Variants in LRRK1 observed in about 807,000 individuals in gnomAD.
LRRK1 encodes the protein leucine-rich repeat serine/threonine-protein kinase 1.
In LRRK1, 113 loss-of-function variants were observed where a neutral mutation model predicts 209.1. The observed-to-expected ratio is 0.54, with a 90% CI of 0.46 to 0.63. The LOEUF is 0.63. Among genes scored for constraint, LRRK1 ranks in the 30% least tolerant of loss-of-function variants. The pLI, the probability that LRRK1 is intolerant of heterozygous loss-of-function variation, is 0.00. For missense variants in LRRK1, 2,284 were observed against 2,632.2 expected, an observed-to-expected ratio of 0.87 and a Z score of 2.89; for synonymous variants, 1,144 against 1,099.7, an observed-to-expected ratio of 1.04 and a Z score of -0.80.
At position 101,045,110 on chromosome 15, in the gene LRRK1, G is replaced by A. The variant is rs189294143; in HGVS notation, c.2964-871G>A. 3.6e-3 allele frequency among the ~76,000 whole-genome samples: 546 copies of A among 152,342 alleles called. 3 individuals carry two copies. Among genetic ancestry groups the A allele is most frequent in the African/African-American group, 9.9e-3 (410 of 41,568 alleles). On this transcript the variant is annotated intron_variant, in intron 20 of 33. Coordinates refer to ENST00000388948, the MANE Select transcript of LRRK1 (RefSeq NM_024652.6). Reference sequence around the variant, plus strand: ...GTGTCAGAGCGTGTAAGTGAGAGCCGAGACTTGCGCCTGTATGCTCGGGCC... The same window carrying A: ...GTGTCAGAGCGTGTAAGTGAGAGCCAAGACTTGCGCCTGTATGCTCGGGCC...
chr15:101,047,059 A>C (rs11636119), intron 21 of LRRK1, among the ~76,000 whole-genome samples: 115,930 of 152,174 alleles, frequency 0.76, 45,882 homozygotes, highest in East Asian at 0.96. Flanking sequence ...ACAACCCTCC[A>C]GGGGATTCTG....
At chr15:101,017,545 C>T (rs2033598775) in intron 12 of LRRK1, among the ~76,000 whole-genome samples, 1 of 152,162 alleles carries the variant, frequency 6.6e-6, no homozygotes, top group African/African-American at 2.4e-5. Context: ...TCAGCGCCAC[C>T]TCCTGTCAGA....
At chr15:101,000,001 A>T (rs1567223750) in intron 6 of LRRK1, among the ~76,000 whole-genome samples, 1 of 152,224 alleles carries the variant, frequency 6.6e-6, no homozygotes, top group Non-Finnish European at 1.5e-5. Flanking sequence ...TTGGCAGCCA[A>T]CCACTAATTC....
intron 2 of LRRK1, among the ~76,000 whole-genome samples, chr15:100,934,085 G>T (rs1005330548): frequency 6.6e-6 from 1 of 151,890 alleles, no homozygotes; most frequent in Non-Finnish European, 1.5e-5. Context: ...ATTTATTTAA[G>T]ATGTCAAAAT....
chr15:100,931,219 C>T (rs955751742), intron 2 of LRRK1, among the ~76,000 whole-genome samples: 2 of 152,200 alleles, frequency 1.3e-5, no homozygotes, highest in Non-Finnish European at 2.9e-5. Flanking sequence ...ATTGCAGTTC[C>T]TTTTGCTAAT....
intron 2 of LRRK1, among the ~76,000 whole-genome samples, chr15:100,938,961 C>CA (rs2042353255): frequency 7.1e-6 from 1 of 140,462 alleles, no homozygotes; most frequent in Non-Finnish European, 1.6e-5. Flanking sequence ...GGCATGGTGG[C>CA]GGGCACCTGT....
intron 3 of LRRK1, among the ~76,000 whole-genome samples, chr15:100,976,446 G>A (rs953258437): frequency 2.6e-5 from 4 of 152,226 alleles, no homozygotes; most frequent in Non-Finnish European, 5.9e-5. Context: ...CTTCGTTAAT[G>A]CGTATAGAAA....
At chr15:100,947,960 T>A (rs187343665) in intron 2 of LRRK1, among the ~76,000 whole-genome samples, 24 of 152,336 alleles carry the variant, frequency 1.6e-4, no homozygotes, top group Admixed American at 6.5e-4. Flanking sequence ...CAGCCTGGAA[T>A]CTTAAAATCA....
chr15:100,974,748 G>T (rs987434552), intron 3 of LRRK1, among the ~76,000 whole-genome samples: 18 of 152,142 alleles, frequency 1.2e-4, no homozygotes, highest in African/African-American at 4.3e-4. Flanking sequence ...TTGAGAATGT[G>T]GATATGAGGA....
At position 100,973,937 on chromosome 15, in the gene LRRK1, C is replaced by T. The variant is rs901737361; in HGVS notation, c.231C>T (p.Ala77=). The change falls in exon 3 of 34, where the codon GCC becomes GCT. Residue 77 remains alanine, a synonymous_variant. Coordinates refer to ENST00000388948, the MANE Select transcript of LRRK1 (RefSeq NM_024652.6). ...GCGCCCGGGACCTGCTGGAGGAGGC[C>T]TGCGACCAGTGCGCGTCCCAGCTGG... The part of the protein sequence containing the change: ...RGGARDLLEE[A]CDQCASQLEK... 2 of 1,260,208 alleles carry T rather than the reference C, an allele frequency of 1.6e-6. No individual in the cohort carries two copies. The highest frequency in any genetic ancestry group is 3.1e-5 in the African/African-American group (2 of 64,534). The allele number at this position is 1,260,208 out of a possible 1,614,324, so 78.1% of individuals were successfully genotyped here.
rs146597088 is a variant in LRRK1, at chr15:100,933,343, C to G, written c.97+8614C>G. Among the ~76,000 whole-genome samples, 243 of 152,288 alleles carry G rather than the reference C, an allele frequency of 1.6e-3. 2 individuals carry two copies. Among genetic ancestry groups the G allele is most frequent in the African/African-American group, 5.7e-3 (235 of 41,558 alleles). On this transcript the variant is annotated intron_variant, in intron 2 of 33. Transcript: ENST00000388948. ...CCTCTTCCATTCCTGCTGCTTGGCA[C>G]TGGGTGGGCCAAGCATGTATCCCTT...
intron 3 of LRRK1, among the ~76,000 whole-genome samples, chr15:100,979,551 A>G (rs2031485588): frequency 6.6e-6 from 1 of 152,210 alleles, no homozygotes; most frequent in African/African-American, 2.4e-5. Context: ...TCCATAAAAG[A>G]AATGATTTAT....
intron 2 of LRRK1, among the ~76,000 whole-genome samples, chr15:100,933,297 A>C (rs754960235): frequency 6.6e-6 from 1 of 152,004 alleles, no homozygotes; most frequent in Non-Finnish European, 1.5e-5. Context: ...AAATTTTCCA[A>C]CGAAAGACCT....
chr15:101,063,819 A>C (rs543849856), intron 31 of LRRK1, among the ~76,000 whole-genome samples: 2 of 152,258 alleles, frequency 1.3e-5, no homozygotes, highest in Admixed American at 1.3e-4. Context: ...TTAAAAAAAA[A>C]AAAAACAGGT....
chr15:100,995,085 G>C (rs2032339389), intron 6 of LRRK1, among the ~76,000 whole-genome samples: 1 of 152,188 alleles, frequency 6.6e-6, no homozygotes, highest in Admixed American at 6.5e-5. Flanking sequence ...GTCCCTTCAG[G>C]GCACGTGTGA....
At chr15:100,923,348 T>A (rs2042052179) in intron 1 of LRRK1, among the ~76,000 whole-genome samples, 1 of 152,252 alleles carries the variant, frequency 6.6e-6, no homozygotes, top group African/African-American at 2.4e-5. Context: ...GCTATGCTTT[T>A]GCCTGTACAG....
intron 3 of LRRK1, among the ~76,000 whole-genome samples, chr15:100,981,838 A>AT (rs371013992): frequency 6.6e-6 from 1 of 152,196 alleles, no homozygotes; most frequent in South Asian, 2.1e-4. Context: ...TGGGGGCTCC[A>AT]TTTTACCCAT....
chr15:101,059,552 C>T (rs2036031560), intron 29 of LRRK1, among the ~76,000 whole-genome samples: 1 of 146,976 alleles, frequency 6.8e-6, no homozygotes. Flanking sequence ...CTCTAAGATG[C>T]TGCTTGTGGT....
At chr15:100,969,603 AT>A (rs370643768) in intron 2 of LRRK1, among the ~76,000 whole-genome samples, 9 of 152,252 alleles carry the variant, frequency 5.9e-5, no homozygotes, top group Admixed American at 3.3e-4. Context: ...TCAGCCAGGT[AT>A]TAAGCCCAGC....
Sources: gnomAD v4.1 joint callset for allele counts (sites outside exome capture counted in the v4.1 genomes callset) on GRCh38, gnomAD v4.1.1 for gene constraint, MANE v1.5 for transcripts, NCBI Gene and HGNC (gene_info 2026-07-23, HGNC 2026-07-21) for gene names.